Variants in RAP1A observed in about 807,000 individuals in gnomAD.
The protein encoded by RAP1A is RAP1A, member of RAS oncogene family.
In RAP1A, 6 loss-of-function variants were observed where a neutral mutation model predicts 26.4. That is an observed-to-expected ratio of 0.23 (90% confidence interval 0.12 to 0.45). RAP1A has a LOEUF of 0.45. Ranked by LOEUF, RAP1A falls within the 20% of genes least tolerant of loss-of-function variation. RAP1A has a pLI of 0.99. For missense variants in RAP1A, 121 were observed against 217.2 expected, an observed-to-expected ratio of 0.56 and a Z score of 2.78; for synonymous variants, 73 against 79.4, an observed-to-expected ratio of 0.92 and a Z score of 0.43.
intron 1 of RAP1A, among the ~76,000 whole-genome samples, chr1:111,654,873 A>G (rs1346970546): frequency 6.6e-6 from 1 of 151,290 alleles, no homozygotes; most frequent in Admixed American, 6.6e-5. Flanking sequence ...CTAAACTTTG[A>G]TTTAAATGTG....
At chr1:111,641,550 A>G (rs992051953) in intron 1 of RAP1A, among the ~76,000 whole-genome samples, 6 of 152,054 alleles carry the variant, frequency 3.9e-5, no homozygotes, top group African/African-American at 1.4e-4. Flanking sequence ...TCAGAGTTCA[A>G]ATATGGTTTG....
At chr1:111,638,887 G>T (rs1659806222) in intron 1 of RAP1A, among the ~76,000 whole-genome samples, 2 of 150,944 alleles carry the variant, frequency 1.3e-5, no homozygotes. Flanking sequence ...TTTAAGACAA[G>T]TATATGTATT....
intron 1 of RAP1A, among the ~76,000 whole-genome samples, chr1:111,632,897 G>C (rs2101106408): frequency 7.4e-6 from 1 of 135,902 alleles, no homozygotes. Context: ...CTGCAGCCTG[G>C]GCAACAAGAG....
intron 1 of RAP1A, among the ~76,000 whole-genome samples, chr1:111,665,131 A>C (rs1660763377): frequency 6.6e-6 from 1 of 152,238 alleles, no homozygotes; most frequent in East Asian, 1.9e-4. Flanking sequence ...AATGCTATAT[A>C]AAGTTTAGTT....
At chr1:111,697,399 T>A in intron 3 of RAP1A, 42 bp from the exon 4 acceptor site, 3 of 1,608,012 alleles carry the variant, frequency 1.9e-6, no homozygotes, top group Non-Finnish European at 1.7e-6. Context: ...AATGAGATTT[T>A]GATGTTACTC....
intron 1 of RAP1A, among the ~76,000 whole-genome samples, chr1:111,564,442 T>G (rs1236585207): frequency 3.3e-5 from 5 of 151,676 alleles, no homozygotes; most frequent in Non-Finnish European, 5.9e-5. Context: ...CCCCAGAGAT[T>G]GAAGATGCTG....
At chr1:111,706,600 T>A (rs1353239602) in intron 6 of RAP1A, 1 of 568,104 alleles carries the variant, frequency 1.8e-6, no homozygotes, top group Non-Finnish European at 2.2e-6. Flanking sequence ...GTAATTGGAA[T>A]CAAGACAACC....
intron 1 of RAP1A, among the ~76,000 whole-genome samples, chr1:111,630,528 T>C (rs1429936731): frequency 1.3e-5 from 2 of 152,268 alleles, no homozygotes; most frequent in South Asian, 2.1e-4. Context: ...AATAAGATAA[T>C]TTCAGAGGTC....
At chr1:111,597,162 ATGAAGCCATC>A (rs2101069592) in intron 1 of RAP1A, among the ~76,000 whole-genome samples, 1 of 152,318 alleles carries the variant, frequency 6.6e-6, no homozygotes, top group East Asian at 1.9e-4. Context: ...GGTCACAAGC[ATGAAGCCATC>A]TGAAATGAGG....
intron 1 of RAP1A, among the ~76,000 whole-genome samples, chr1:111,644,157 A>C (rs1402607266): frequency 6.6e-6 from 1 of 152,200 alleles, no homozygotes; most frequent in Non-Finnish European, 1.5e-5. Context: ...AGCCAAGTTG[A>C]CATGTCCAAC....
chr1:111,627,936 A>G (rs1482633163), intron 1 of RAP1A, among the ~76,000 whole-genome samples: 13 of 148,718 alleles, frequency 8.7e-5, no homozygotes. Flanking sequence ...CTTTGAAAAA[A>G]CAAAAAAAAA....
chr1:111,559,979 G>A (rs1282242063), intron 1 of RAP1A, among the ~76,000 whole-genome samples: 1 of 152,182 alleles, frequency 6.6e-6, no homozygotes, highest in Non-Finnish European at 1.5e-5. Context: ...CACACTTCAA[G>A]ATCAAAGGTT....
intron 1 of RAP1A, among the ~76,000 whole-genome samples, chr1:111,603,689 G>C (rs1449729442): frequency 6.6e-6 from 1 of 152,188 alleles, no homozygotes; most frequent in Non-Finnish European, 1.5e-5. Flanking sequence ...ACTCCTCCCA[G>C]TTAAAATGTT....
intron 1 of RAP1A, among the ~76,000 whole-genome samples, chr1:111,588,413 A>G (rs1658418888): frequency 6.6e-6 from 1 of 152,184 alleles, no homozygotes; most frequent in Non-Finnish European, 1.5e-5. Context: ...AATCAATCAG[A>G]TCATGTTTTT....
chr1:111,557,943 T>C (rs1657569935), intron 1 of RAP1A, among the ~76,000 whole-genome samples: 1 of 152,056 alleles, frequency 6.6e-6, no homozygotes, highest in African/African-American at 2.4e-5. Flanking sequence ...AAATTATGCA[T>C]GTTAAGATTT....
intron 1 of RAP1A, among the ~76,000 whole-genome samples, chr1:111,559,766 A>G (rs886796725): frequency 2.6e-5 from 4 of 152,216 alleles, no homozygotes; most frequent in East Asian, 1.9e-4. Context: ...CCTTCCTTCA[A>G]TTGGCTAAAA....
At chr1:111,559,761 C>T (rs1040835307) in intron 1 of RAP1A, among the ~76,000 whole-genome samples, 1 of 152,132 alleles carries the variant, frequency 6.6e-6, no homozygotes, top group Non-Finnish European at 1.5e-5. Flanking sequence ...ACTTTCCTTC[C>T]TTCAATTGGC....
chr1:111,556,224 C>T (rs1657486480), intron 1 of RAP1A, among the ~76,000 whole-genome samples: 1 of 152,116 alleles, frequency 6.6e-6, no homozygotes, highest in South Asian at 2.1e-4. Flanking sequence ...TGAGATATCA[C>T]TTTACACTTA....
At chr1:111,669,730 C>A (rs1347478452) in intron 1 of RAP1A, among the ~76,000 whole-genome samples, 1 of 152,182 alleles carries the variant, frequency 6.6e-6, no homozygotes, top group South Asian at 2.1e-4. Context: ...GAAGAAAAAT[C>A]AAGTAGATAC....
Sources: gnomAD v4.1 joint callset for allele counts (sites outside exome capture counted in the v4.1 genomes callset) on GRCh38, gnomAD v4.1.1 for gene constraint, MANE v1.5 for transcripts, NCBI Gene and HGNC (gene_info 2026-07-23, HGNC 2026-07-21) for gene names.